The following TRIM28 variants were observed in gnomAD, a reference collection of about 807,000 sequenced individuals.
TRIM28 encodes the protein transcription intermediary factor 1-beta.
In TRIM28, 8 loss-of-function variants were observed where a neutral mutation model predicts 87.4. That is an observed-to-expected ratio of 0.09 (90% CI 0.05 to 0.17). The LOEUF is 0.17. Among genes scored for constraint, TRIM28 ranks in the 10% least tolerant of loss-of-function variants. TRIM28 has a pLI of 1.00. For synonymous variants in TRIM28, 601 were observed against 454.3 expected (o/e 1.32, Z -4.11); for missense variants, 968 against 1,131.8 (o/e 0.86, Z 2.08).
Position 58,549,221 on chromosome 19 carries a change from C to A in TRIM28, c.1643C>A (p.Ala548Asp). 6.2e-7 allele frequency: 1 copy of A among 1,613,564 alleles called. No homozygotes were observed. Among genetic ancestry groups the A allele is most frequent in the Non-Finnish European group, 8.5e-7 (1 of 1,179,658 alleles). The change falls in exon 12 of 17, where the codon GCT (alanine) becomes GAT (aspartate). Residue 548 changes from alanine (A) to aspartate (D), a missense_variant. By Grantham distance (126) the Ala-to-Asp change is moderately radical. This residue lies in a region of TRIM28 where 164 missense variants were observed against 146.2 expected (regional missense o/e 1.12). Coordinates refer to ENST00000253024, the MANE Select transcript of TRIM28 (RefSeq NM_005762.3). The surrounding 1 kb of genome is among the most constrained non-coding windows in gnomAD (Gnocchi z 4.4). Reference sequence around the variant, plus strand: ...GGAACCCCTGGTGCCCCACCCCTGGCTGGCATGGCCATTGTCAAGGTAAGC... The same window carrying A: ...GGAACCCCTGGTGCCCCACCCCTGGATGGCATGGCCATTGTCAAGGTAAGC... ...PAGTPGAPPL[A>D]GMAIVKEEET...
chr19:58,547,406 C>T lies in TRIM28; in HGVS notation c.617C>T (p.Thr206Ile), dbSNP rs763131850. 6.2e-7 allele frequency: 1 copy of T among 1,614,052 alleles called. No homozygotes were observed. Among genetic ancestry groups the T allele is most frequent in the South Asian group, 1.1e-5 (1 of 91,084 alleles). ...GCCAAGTCTCGGGATGGTGAACGTA[C>T]TGTCTATTGCAACGTACACAAGCAT... ...GPAKSRDGER[T>I]VYCNVHKHEP... is the part of the protein sequence containing the mutation. Residue 206 changes from threonine (T) to isoleucine (I), a missense_variant, in exon 4 of 17, where the codon ACT becomes ATT. By Grantham distance (89) the Thr-to-Ile change is moderately conservative (BLOSUM62 -1). Coordinates refer to ENST00000253024, the MANE Select transcript of TRIM28 (RefSeq NM_005762.3).
chr19:58,549,387 G>T lies in TRIM28; in HGVS notation c.1719G>T (p.Glu573Asp). The T allele has an allele frequency of 6.3e-7, 1 of 1,584,744 alleles. No homozygotes were observed. The highest frequency in any genetic ancestry group is 1.7e-5 in the Admixed American group (1 of 57,578). Residue 573 changes from glutamate to aspartate, a missense_variant, in exon 13 of 17, where the codon GAG (glutamate) becomes GAT (aspartate). By Grantham distance (45) the Glu-to-Asp change is conservative (BLOSUM62 2). Around this residue, in one of 11 missense-constraint regions of TRIM28, gnomAD observed 164 missense variants for 146.2 expected, o/e 1.12. Coordinates refer to ENST00000253024, the MANE Select transcript of TRIM28 (RefSeq NM_005762.3). The surrounding 1 kb of genome is among the most constrained non-coding windows in gnomAD (Gnocchi z 4.4). ...GAPPTATEGP[E>D]TKPVLMALAE... Reference sequence around the variant, plus strand: ...CTCCTACTGCCACTGAGGGCCCTGAGACCAAACCTGTGCTTATGGCTCTTG... The same window carrying T: ...CTCCTACTGCCACTGAGGGCCCTGATACCAAACCTGTGCTTATGGCTCTTG...
intron 3 of TRIM28, 105 bp from the exon 4 acceptor site, chr19:58,547,259 TCCCAATAAATGG>T: frequency 7.3e-7 from 1 of 1,361,016 alleles, no homozygotes; most frequent in Admixed American, 2.0e-5. Context: ...CTCTACATCT[TCCCAATAAATGG>T]CCCAGTGTCA....
At chr19:58,548,718 G>C in intron 9 of TRIM28, 22 bp from the exon 10 acceptor site, 1 of 1,613,272 alleles carries the variant, frequency 6.2e-7, no homozygotes, top group Non-Finnish European at 8.5e-7. Flanking sequence ...CACTGAGGCA[G>C]AGGGTTCTGC....
intron 1 of TRIM28, 48 bp from the exon 2 acceptor site, chr19:58,545,377 A>G (rs370807216): frequency 6.7e-7 from 1 of 1,483,982 alleles, no homozygotes; most frequent in Non-Finnish European, 9.3e-7. Context: ...GGGGGCCATA[A>G]CCTGGGTGGG....
At chr19:58,545,130 C>T (rs1426805867) in intron 1 of TRIM28, 33 bp downstream of exon 1, 15 of 1,389,136 alleles carry the variant, frequency 1.1e-5, no homozygotes, top group Non-Finnish European at 1.3e-5. Context: ...CACCCCTCCC[C>T]CTACTCTCTG....
intron 5 of TRIM28, 27 bp downstream of exon 5, chr19:58,547,740 G>GTTCTGGGGCT: frequency 6.2e-7 from 1 of 1,613,794 alleles, no homozygotes; most frequent in Non-Finnish European, 8.5e-7. Context: ...GGGCTGTGGG[G>GTTCTGGGGCT]GTGGCCCAGG....
rs2053775197 is a variant in TRIM28, at chr19:58,547,886, G to C, written c.934G>C (p.Val312Leu). The change falls in exon 6 of 17, where the codon GTG becomes CTG. Residue 312 changes from valine to leucine, a missense_variant. Coordinates refer to ENST00000253024, the MANE Select transcript of TRIM28 (RefSeq NM_005762.3). ...IMKELNKRGRVLVNDAQKVTE... is the reference protein window; with the variant it reads ...IMKELNKRGRLLVNDAQKVTE... ...GAAGGAGCTGAATAAGCGGGGCCGT[G>C]TGCTGGTCAATGATGCCCAGGTAAG... 4 of 1,614,190 alleles carry C rather than the reference G, an allele frequency of 2.5e-6. No individual in the cohort carries two copies. Among genetic ancestry groups the C allele is most frequent in the Non-Finnish European group, 3.4e-6 (4 of 1,180,028 alleles).
rs975855929 is a variant in TRIM28, at chr19:58,545,114, C to T, written c.340+17C>T. 8 of 1,392,452 alleles carry T rather than the reference C, an allele frequency of 5.7e-6. No homozygotes were observed. Among genetic ancestry groups the T allele is most frequent in the Non-Finnish European group, 7.4e-6 (8 of 1,079,496 alleles). 86.3% of individuals were successfully genotyped at this position (1,392,452 alleles called of 1,614,324 possible). A position where few individuals can be genotyped will look rare whatever the true frequency, so the allele number is the denominator to read the frequency against. ...ACGGCACCGGTAAGTACGAAGTGAT[C>T]GGTGCCACCCCTCCCCCTACTCTCT... On this transcript the variant is annotated intron_variant, in intron 1 of 16. Transcript: ENST00000253024.
Position 58,549,995 on chromosome 19 carries a change from G to A in TRIM28, c.2153G>A (p.Arg718His). Residue 718 changes from arginine to histidine, a missense_variant, in exon 15 of 17, where the codon CGC (arginine) becomes CAC (histidine). Physicochemically the swap from Arg to His is conservative, Grantham distance 29. This residue lies in a region of TRIM28 where 192 missense variants were observed against 225.6 expected (regional missense o/e 0.85). Coordinates refer to ENST00000253024, the MANE Select transcript of TRIM28 (RefSeq NM_005762.3). The surrounding 1 kb of genome is among the most constrained non-coding windows in gnomAD (Gnocchi z 4.4). ...LLALFCHEPC[R>H]PLHQLATDST... ...GCCCTATTCTGTCACGAACCCTGCC[G>A]CCCCCTGCATCAGCTGGCTACCGAC... 3 of 1,614,028 alleles carry A rather than the reference G, an allele frequency of 1.9e-6. No homozygotes were observed. The highest frequency in any genetic ancestry group is 2.5e-6 in the Non-Finnish European group (3 of 1,179,990).
chr19:58,545,147 A>T, intron 1 of TRIM28, 50 bp downstream of exon 1: 1 of 1,367,616 alleles, frequency 7.3e-7, no homozygotes, highest in Non-Finnish European at 9.5e-7. Flanking sequence ...TCTGCCTTTG[A>T]TTCCGACTGG....
intron 1 of TRIM28, 163 bp downstream of exon 1, chr19:58,545,260 G>C (rs1476841174): frequency 1.1e-6 from 1 of 877,614 alleles, no homozygotes; most frequent in East Asian, 2.7e-5. Flanking sequence ...TGTGCTGGCC[G>C]CTGAGATGGG....
rs1175947922 is a variant in TRIM28, at chr19:58,549,800, C to T, written c.2046C>T (p.Leu682=). The change falls in exon 14 of 17, where the codon CTC becomes CTT. Residue 682 remains leucine (L), a synonymous_variant. Coordinates refer to ENST00000253024, the MANE Select transcript of TRIM28 (RefSeq NM_005762.3). The surrounding 1 kb of genome is among the most constrained non-coding windows in gnomAD (Gnocchi z 4.4). The part of the protein sequence containing the change: ...LPDLKEEDGS[L]SLDGADSTGV... ...ACCTGAAGGAGGAGGATGGCAGCCT[C>T]AGCCTGGATGGTGCAGACAGCACTG... 2 of 1,612,828 alleles carry T rather than the reference C, an allele frequency of 1.2e-6. No individual in the cohort carries two copies. Among genetic ancestry groups the T allele is most frequent in the African/African-American group, 1.3e-5 (1 of 74,996 alleles).
chr19:58,548,822 T>A (rs2053785507), intron 10 of TRIM28, 40 bp from the exon 11 acceptor site: 1 of 1,614,076 alleles, frequency 6.2e-7, no homozygotes, highest in East Asian at 2.2e-5. Flanking sequence ...CAGTGCTGTT[T>A]CTACCCCAAC....
Position 58,549,213 on chromosome 19 carries a change from A to G in TRIM28, c.1635A>G (p.Pro545=). ...CGCCTGCAGGAACCCCTGGTGCCCC[A>G]CCCCTGGCTGGCATGGCCATTGTCA... is the stretch of plus-strand genomic sequence containing the variant. The part of the protein sequence containing the change: ...GTAPAGTPGA[P]PLAGMAIVKE... The change falls in exon 12 of 17, where the codon CCA becomes CCG. Residue 545 remains proline (P), a synonymous_variant. Transcript: ENST00000253024. The surrounding 1 kb of genome is among the most constrained non-coding windows in gnomAD (Gnocchi z 4.4). 1 of 1,613,518 alleles carries G rather than the reference A, an allele frequency of 6.2e-7. No individual in the cohort carries two copies. Among genetic ancestry groups the G allele is most frequent in the South Asian group, 1.1e-5 (1 of 91,048 alleles).
Position 58,547,778 on chromosome 19 carries a change from G to C in TRIM28, c.840-14G>C. On this transcript the variant is annotated splice_polypyrimidine_tract_variant and intron_variant, in intron 5 of 16. Coordinates refer to ENST00000253024, the MANE Select transcript of TRIM28 (RefSeq NM_005762.3). ...AGCAAGACCCTACCTAGCCTGACCTGCTGTGTCCCCTAGAATCCGCCAGGT... is the reference window on the plus strand; with the variant it reads ...AGCAAGACCCTACCTAGCCTGACCTCCTGTGTCCCCTAGAATCCGCCAGGT... 6.2e-7 allele frequency: 1 copy of C among 1,614,020 alleles called. No homozygotes were observed. Among genetic ancestry groups the C allele is most frequent in the Non-Finnish European group, 8.5e-7 (1 of 1,179,964 alleles).
rs759428818 is a variant in TRIM28 at position 58,544,970 on chromosome 19, C to T, written c.213C>T (p.Arg71=). 61 of 1,513,616 alleles carry T rather than the reference C, an allele frequency of 4.0e-5. No homozygotes were observed. In the African/African-American group the frequency reaches 4.7e-4, roughly 12 times the overall value. 93.8% of individuals were successfully genotyped at this position (1,513,616 alleles called of 1,614,324 possible). A position where few individuals can be genotyped will look rare whatever the true frequency, so the allele number is the denominator to read the frequency against. The part of the protein sequence containing the change: ...LLEHCGVCRE[R]LRPEREPRLL... ...AGCACTGCGGCGTGTGCAGAGAGCG[C>T]CTGCGACCCGAGAGGGAGCCCCGCC... is the stretch of plus-strand genomic sequence containing the variant. Residue 71 remains arginine, a synonymous_variant, in exon 1 of 17, where the codon CGC becomes CGT. Coordinates refer to ENST00000253024, the MANE Select transcript of TRIM28 (RefSeq NM_005762.3).
In TRIM28 at chr19:58,547,922, G is replaced by C; in HGVS notation, c.954+16G>C. Reference sequence around the variant, plus strand: ...TGATGCCCAGGTAAGCCTTGTGCCGGTGAGAAGGGTCCCTGAGCCCCCTCT... The same window carrying C: ...TGATGCCCAGGTAAGCCTTGTGCCGCTGAGAAGGGTCCCTGAGCCCCCTCT... On this transcript the variant is annotated intron_variant, in intron 6 of 16. Coordinates refer to ENST00000253024, the MANE Select transcript of TRIM28 (RefSeq NM_005762.3). The C allele has an allele frequency of 6.2e-7, 1 of 1,614,068 alleles. No individual in the cohort carries two copies. Among genetic ancestry groups the C allele is most frequent in the Non-Finnish European group, 8.5e-7 (1 of 1,179,942 alleles).
rs1248010053 is a variant in TRIM28 at position 58,550,241 on chromosome 19, A to G, written c.2288A>G (p.Gln763Arg). Residue 763 changes from glutamine (Q) to arginine (R), a missense_variant, in exon 16 of 17, where the codon CAG becomes CGG. Physicochemically the swap from Gln to Arg is conservative, Grantham distance 43 (BLOSUM62 1). This residue lies in a region of TRIM28 where 192 missense variants were observed against 225.6 expected (regional missense o/e 0.85). Transcript: ENST00000253024. The stretch of plus-strand genomic sequence containing the variant: ...TACAGCTCCCCACAGGAGTTTGCCC[A>G]GGATGTGGGCCGCATGTTCAAGCAA... ...PPYSSPQEFA[Q>R]DVGRMFKQFN... The G allele has an allele frequency of 6.2e-7, 1 of 1,614,086 alleles. No individual in the cohort carries two copies. Among genetic ancestry groups the G allele is most frequent in the Middle Eastern group, 1.6e-4 (1 of 6,062 alleles).
Sources: gnomAD v4.1 joint callset for allele counts on GRCh38, gnomAD v4.1.1 for gene constraint, gnomAD v4.1.1 regional missense constraint, Gnocchi (gnomAD v3.1) non-coding constraint, MANE v1.5 for transcripts, NCBI Gene and HGNC (gene_info 2026-07-23, HGNC 2026-07-21) for gene names.